Variants in PPARGC1A observed in about 807,000 individuals in gnomAD.
PPARGC1A encodes the protein PPARG coactivator 1 alpha, also known as peroxisome proliferator-activated receptor gamma coactivator 1-alpha.
PPARGC1A carries 25 observed loss-of-function variants against 88.7 expected under a neutral mutation model. That is an observed-to-expected ratio of 0.28 (90% confidence interval 0.21 to 0.39). The LOEUF (loss-of-function observed/expected upper bound fraction) is 0.39. Ranked by LOEUF, PPARGC1A falls within the 10% of genes least tolerant of loss-of-function variation. The pLI is 1.00. For synonymous variants in PPARGC1A, 363 were observed against 355.6 expected, an observed-to-expected ratio of 1.02 and a Z score of -0.24; for missense variants, 880 against 968.7, an observed-to-expected ratio of 0.91 and a Z score of 1.22.
chr4:24,326,011 C>G, the PPARGC1A span, among the ~76,000 whole-genome samples: 3 of 151,642 alleles, frequency 2.0e-5, no homozygotes, highest in East Asian at 5.8e-4. Flanking sequence ...CTGACTATTC[C>G]TGGACTATAG....
the PPARGC1A span, among the ~76,000 whole-genome samples, chr4:24,323,651 G>A: frequency 1.3e-5 from 2 of 152,200 alleles, no homozygotes; most frequent in African/African-American, 2.4e-5. Context: ...GCACCCAGGT[G>A]AAATAAACAG....
the PPARGC1A span, among the ~76,000 whole-genome samples, chr4:23,923,250 G>A: frequency 6.6e-6 from 1 of 152,022 alleles, no homozygotes; most frequent in Non-Finnish European, 1.5e-5. Flanking sequence ...AGACAGGTAT[G>A]GAACTGTGTT....
the PPARGC1A span, among the ~76,000 whole-genome samples, chr4:24,116,247 T>C: frequency 6.6e-6 from 1 of 152,208 alleles, no homozygotes; most frequent in Admixed American, 6.5e-5. Flanking sequence ...TCAACAAATA[T>C]TTATTGAGTG....
At chr4:24,276,525 A>T in the PPARGC1A span, among the ~76,000 whole-genome samples, 2 of 152,142 alleles carry the variant, frequency 1.3e-5, no homozygotes, top group Non-Finnish European at 2.9e-5. Flanking sequence ...TACCTTCCCC[A>T]GGTTATTCTT....
chr4:24,001,765 T>C, the PPARGC1A span, among the ~76,000 whole-genome samples: 1 of 152,040 alleles, frequency 6.6e-6, no homozygotes, highest in Non-Finnish European at 1.5e-5. Flanking sequence ...CATCCTGTCT[T>C]CAGAGAGAGC....
At chr4:24,364,477 G>C in the PPARGC1A span, among the ~76,000 whole-genome samples, 2 of 152,078 alleles carry the variant, frequency 1.3e-5, no homozygotes, top group African/African-American at 4.8e-5. Context: ...CTTGCAAGAG[G>C]CAAAGGTCTT....
At position 23,813,052 on chromosome 4, in the gene PPARGC1A, G is replaced by C; in HGVS notation, c.1867C>G (p.Arg623Gly). 6.2e-7 allele frequency: 1 copy of C among 1,614,076 alleles called. No homozygotes were observed. The highest frequency in any genetic ancestry group is 1.3e-5 in the African/African-American group (1 of 75,020). Reference protein sequence around the residue: ...HRNSPLYVRSRSRSPYSRRPR... With the variant: ...HRNSPLYVRSGSRSPYSRRPR... The stretch of plus-strand genomic sequence containing the variant: ...CGACGGCTGTAGGGCGATCTTGAAC[G>C]TGATCTCACATACAAGGGAGAATTT... The change falls in exon 9 of 13, where the codon CGT (arginine) becomes GGT (glycine). Residue 623 changes from arginine (R) to glycine (G), a missense_variant. By Grantham distance (125) the Arg-to-Gly change is moderately radical (BLOSUM62 -2). Transcript: ENST00000264867.
At chr4:23,904,339 C>T (rs1482190310), upstream of PPARGC1A, among the ~76,000 whole-genome samples, 1 of 152,186 alleles carries the variant, frequency 6.6e-6, no homozygotes, top group Non-Finnish European at 1.5e-5. Flanking sequence ...AAATAAAACC[C>T]TAGTTCAGAG....
At chr4:24,076,365 C>A in the PPARGC1A span, among the ~76,000 whole-genome samples, 1 of 152,116 alleles carries the variant, frequency 6.6e-6, no homozygotes, top group East Asian at 1.9e-4. Context: ...CCAGCCCACT[C>A]GAATCACAAT....
the PPARGC1A span, among the ~76,000 whole-genome samples, chr4:24,283,561 T>C: frequency 1.3e-5 from 2 of 152,200 alleles, no homozygotes; most frequent in Non-Finnish European, 2.9e-5. Flanking sequence ...TCAGCTTTTC[T>C]TTAGAAAGTA....
chr4:23,866,505 C>T lies in PPARGC1A; in HGVS notation c.234+18247G>A, dbSNP rs997644387. ...ATCTATATGAAAAAAGCTCTTAACA[C>T]AAGATAGGCCGAACATTTTCCCCGC... is the stretch of plus-strand genomic sequence containing the variant. On this transcript the variant is annotated intron_variant, in intron 2 of 12. Transcript: ENST00000264867. Among the ~76,000 whole-genome samples, 109 of 152,158 alleles carry T rather than the reference C, an allele frequency of 7.2e-4. 7 individuals carry two copies. The highest frequency in any genetic ancestry group is 7.3e-5 in the Non-Finnish European group (5 of 68,034).
At chr4:24,307,121 CA>C in the PPARGC1A span, among the ~76,000 whole-genome samples, 5 of 152,122 alleles carry the variant, frequency 3.3e-5, no homozygotes, top group East Asian at 9.7e-4. Context: ...ATTTCCAGTC[CA>C]CTGGCCTGGC....
At chr4:23,810,393 G>A (rs966372281) in intron 10 of PPARGC1A, among the ~76,000 whole-genome samples, 2 of 152,180 alleles carry the variant, frequency 1.3e-5, no homozygotes, top group African/African-American at 4.8e-5. Context: ...AATTAACAGA[G>A]GAACTAGTCA....
the PPARGC1A span, among the ~76,000 whole-genome samples, chr4:24,431,746 G>A: frequency 8.5e-5 from 13 of 152,106 alleles, no homozygotes; most frequent in South Asian, 2.1e-4. Flanking sequence ...AAAATATGCC[G>A]CTGAATCTCC....
chr4:23,838,546 C>T (rs533388083), intron 2 of PPARGC1A, among the ~76,000 whole-genome samples: 10 of 152,288 alleles, frequency 6.6e-5, no homozygotes, highest in East Asian at 5.8e-4. Context: ...CCTTACATTT[C>T]GTAACACATT....
the PPARGC1A span, among the ~76,000 whole-genome samples, chr4:24,030,897 G>C: frequency 6.6e-6 from 1 of 152,188 alleles, no homozygotes; most frequent in Non-Finnish European, 1.5e-5. Context: ...ACAGTTGTTT[G>C]TGCCAGGCAC....
At chr4:24,242,527 G>C in the PPARGC1A span, among the ~76,000 whole-genome samples, 1 of 152,108 alleles carries the variant, frequency 6.6e-6, no homozygotes, top group Non-Finnish European at 1.5e-5. Flanking sequence ...AGTCTGCTGT[G>C]ACCTCAGCGG....
At chr4:24,276,216 C>T in the PPARGC1A span, among the ~76,000 whole-genome samples, 73 of 152,272 alleles carry the variant, frequency 4.8e-4, no homozygotes, top group Middle Eastern at 0.014. Context: ...AAAATGCCTA[C>T]CACTTGTTTT....
At chr4:24,261,465 A>T in the PPARGC1A span, among the ~76,000 whole-genome samples, 1 of 152,136 alleles carries the variant, frequency 6.6e-6, no homozygotes, top group African/African-American at 2.4e-5. Context: ...GTTACAGGAC[A>T]CTTTCTCTTT....
Sources: allele counts gnomAD v4.1 joint callset (sites outside exome capture counted in the v4.1 genomes callset), GRCh38; gene constraint gnomAD v4.1.1; transcripts MANE v1.5; gene names NCBI Gene and HGNC (gene_info 2026-07-23, HGNC 2026-07-21).